HOPX: variants seen among roughly 807,000 people sequenced by gnomAD.
The protein encoded by HOPX is HOP homeobox, also known as homeodomain-only protein.
A neutral mutation model predicts 11.8 loss-of-function variants in HOPX; 5 were observed. The ratio of observed to expected loss-of-function variants is 0.43; its 90% CI spans 0.22 to 0.89. The LOEUF is 0.89. Among genes scored for constraint, HOPX ranks in the 40% least tolerant of loss-of-function variants. HOPX has a pLI of 0.28. For synonymous variants in HOPX, 49 were observed against 49.7 expected (o/e 0.99, Z 0.06); for missense variants, 119 against 120.0 (o/e 0.99, Z 0.04).
chr4:56,674,577 T>C (rs956182594), intron 1 of HOPX, among the ~76,000 whole-genome samples: 4 of 151,662 alleles, frequency 2.6e-5, no homozygotes, highest in African/African-American at 9.8e-5. Context: ...CTGATCAATG[T>C]CTGCCTCAGG....
intron 2 of HOPX, among the ~76,000 whole-genome samples, chr4:56,657,137 C>A (rs541323331): frequency 6.6e-6 from 1 of 152,214 alleles, no homozygotes; most frequent in African/African-American, 2.4e-5. Flanking sequence ...GAATTGGGAC[C>A]AAAAACTTAA....
chr4:56,671,206 A>G (rs1718719354), intron 1 of HOPX, among the ~76,000 whole-genome samples: 1 of 151,880 alleles, frequency 6.6e-6, no homozygotes. Flanking sequence ...GTTCTACGGT[A>G]TTTTTGCCTG....
rs1192274368 is a variant in HOPX, at chr4:56,648,772, T to C, written c.224A>G (p.Lys75Arg). The change falls in exon 4 of 4, where the codon AAG becomes AGG. Residue 75 changes from lysine (K) to arginine (R), a missense_variant. Coordinates refer to ENST00000420433, the MANE Select transcript of HOPX (RefSeq NM_032495.6). Reference protein sequence around the residue: ...TQKWFKQRLAKWRRSEGLPSE... With the variant: ...TQKWFKQRLARWRRSEGLPSE... ...GGGCAGGCCTTCTGAGCGCCGCCAC[T>C]TTGCCAGGCGCTGCTTAAACCATTT... The C allele has an allele frequency of 2.5e-6, 4 of 1,609,882 alleles. No individual in the cohort carries two copies. Among genetic ancestry groups the C allele is most frequent in the African/African-American group, 2.7e-5 (2 of 75,026 alleles).
chr4:56,670,394 T>C (rs578106519), intron 1 of HOPX, among the ~76,000 whole-genome samples: 1 of 152,314 alleles, frequency 6.6e-6, no homozygotes, highest in East Asian at 1.9e-4. Flanking sequence ...AAAGAGAACC[T>C]TTAAACCAGA....
intron 1 of HOPX, among the ~76,000 whole-genome samples, chr4:56,670,648 A>T (rs1356302555): frequency 6.6e-6 from 1 of 152,210 alleles, no homozygotes; most frequent in Non-Finnish European, 1.5e-5. Context: ...TGCACGGAAG[A>T]GGAAGGGTGC....
chr4:56,669,988 A>T (rs551341684), intron 1 of HOPX, among the ~76,000 whole-genome samples: 2 of 151,286 alleles, frequency 1.3e-5, no homozygotes, highest in Non-Finnish European at 3.0e-5. Flanking sequence ...GCAAGAGGAA[A>T]ATAGCTTCAA....
intron 1 of HOPX, chr4:56,680,971 C>G: frequency 1.1e-6 from 1 of 948,368 alleles, no homozygotes; most frequent in Non-Finnish European, 1.3e-6. Flanking sequence ...AAAATAGAAG[C>G]GAGTAAGAAA....
At position 56,673,992 on chromosome 4, in the gene HOPX, A is replaced by G. The variant is rs1336264797; in HGVS notation, c.-84+7263T>C. ...AGTGCTGGGATTACAGGCATGAGCC[A>G]CTGCACCCAGCCCTAATTTTACTAT... On this transcript the variant is annotated intron_variant, in intron 1 of 3. Coordinates refer to ENST00000420433, the MANE Select transcript of HOPX (RefSeq NM_032495.6). Among the ~76,000 whole-genome samples the G allele has an allele frequency of 2.0e-5, 3 of 151,660 alleles. No individual in the cohort carries two copies. The South Asian group carries it at 6.2e-4, about 31-fold the overall frequency.
intron 1 of HOPX, among the ~76,000 whole-genome samples, chr4:56,670,400 C>T (rs1002078032): frequency 1.3e-4 from 20 of 151,392 alleles, no homozygotes; most frequent in Admixed American, 1.2e-3. Context: ...AACCTTTAAA[C>T]CAGAAGAGAA....
chr4:56,660,103 A>T (rs554734529), intron 1 of HOPX, among the ~76,000 whole-genome samples: 1 of 152,110 alleles, frequency 6.6e-6, no homozygotes, highest in Non-Finnish European at 1.5e-5. Context: ...TGAAAGGAAA[A>T]CTCCTTCCAG....
intron 1 of HOPX, among the ~76,000 whole-genome samples, chr4:56,660,460 A>G (rs1718049759): frequency 6.6e-6 from 1 of 152,178 alleles, no homozygotes; most frequent in African/African-American, 2.4e-5. Context: ...TTATATCTAG[A>G]TTGTGCAACT....
At chr4:56,665,344 C>T (rs1718372270) in intron 1 of HOPX, 1 of 152,200 alleles carries the variant, frequency 6.6e-6, no homozygotes, top group Admixed American at 6.5e-5. Flanking sequence ...ATTTCTCATA[C>T]ATTTAAATCT....
chr4:56,654,100 G>C (rs1047806074), intron 3 of HOPX, among the ~76,000 whole-genome samples: 1 of 152,178 alleles, frequency 6.6e-6, no homozygotes, highest in African/African-American at 2.4e-5. Context: ...GGGCTTCCAG[G>C]GTTCAAATCC....
chr4:56,653,382 A>G (rs1478044656), intron 3 of HOPX, among the ~76,000 whole-genome samples: 1 of 152,034 alleles, frequency 6.6e-6, no homozygotes, highest in Non-Finnish European at 1.5e-5. Context: ...CATAGGAGAT[A>G]CTCTTTAAAA....
At chr4:56,655,021 C>T (rs1488033060) in intron 3 of HOPX, among the ~76,000 whole-genome samples, 1 of 152,136 alleles carries the variant, frequency 6.6e-6, no homozygotes, top group African/African-American at 2.4e-5. Flanking sequence ...CCACATTGCA[C>T]CTGTGGTTAA....
chr4:56,656,266 C>G (rs911702399), intron 2 of HOPX: 4 of 1,164,218 alleles, frequency 3.4e-6, no homozygotes, highest in Non-Finnish European at 4.2e-6. Flanking sequence ...CCTCCCGCGC[C>G]CCCCGGGACC....
intron 1 of HOPX, among the ~76,000 whole-genome samples, chr4:56,671,369 T>C (rs1436815339): frequency 2.0e-5 from 3 of 152,074 alleles, no homozygotes; most frequent in Non-Finnish European, 4.4e-5. Context: ...TAGTTGTGTA[T>C]TTTGAAAAGT....
At chr4:56,659,741 A>G (rs1470353634) in intron 1 of HOPX, among the ~76,000 whole-genome samples, 1 of 152,212 alleles carries the variant, frequency 6.6e-6, no homozygotes, top group African/African-American at 2.4e-5. Context: ...TTCAGCTCTT[A>G]AAAAGATTTG....
intron 1 of HOPX, among the ~76,000 whole-genome samples, chr4:56,659,932 G>A (rs995354272): frequency 1.3e-5 from 2 of 152,160 alleles, no homozygotes; most frequent in Non-Finnish European, 2.9e-5. Context: ...TGTATATGTG[G>A]TCAGAAATGG....
Sources: gnomAD v4.1 joint callset for allele counts (sites outside exome capture counted in the v4.1 genomes callset) on GRCh38, gnomAD v4.1.1 for gene constraint, MANE v1.5 for transcripts, NCBI Gene and HGNC (gene_info 2026-07-23, HGNC 2026-07-21) for gene names.